IL23R: variants seen among roughly 807,000 people sequenced by gnomAD.
The protein encoded by IL23R is interleukin-23 receptor.
A neutral mutation model predicts 56.9 loss-of-function variants in IL23R; 34 were observed. The ratio of observed to expected loss-of-function variants is 0.60; its 90% CI spans 0.45 to 0.80. The LOEUF (loss-of-function observed/expected upper bound fraction) is 0.80, where lower values mean the gene tolerates loss of function less well. Ranked by LOEUF, IL23R falls within the 30% of genes least tolerant of loss-of-function variation. IL23R has a pLI of 0.00. For synonymous variants in IL23R, 230 were observed against 249.2 expected (o/e 0.92, Z 0.73); for missense variants, 635 against 730.0 (o/e 0.87, Z 1.50).
chr1:67,225,686 T>A (rs1255467279), intron 7 of IL23R, among the ~76,000 whole-genome samples: 1 of 152,036 alleles, frequency 6.6e-6, no homozygotes, highest in African/African-American at 2.4e-5. Context: ...TTTTTTGCAT[T>A]TTTAGTAGAG....
At chr1:67,182,992 G>C (rs1371115914) in intron 4 of IL23R, 33 bp downstream of exon 4, 1 of 1,612,932 alleles carries the variant, frequency 6.2e-7, no homozygotes. Flanking sequence ...CATATAAGCA[G>C]TTCCACCCCA....
intron 4 of IL23R, among the ~76,000 whole-genome samples, chr1:67,186,148 G>T (rs1647311602): frequency 6.6e-6 from 1 of 152,142 alleles, no homozygotes; most frequent in African/African-American, 2.4e-5. Flanking sequence ...GTCAACTTTA[G>T]GAATGTGAAG....
chr1:67,160,789 C>G (rs1646811661), intron 1 of IL23R, among the ~76,000 whole-genome samples: 1 of 152,094 alleles, frequency 6.6e-6, no homozygotes, highest in East Asian at 1.9e-4. Flanking sequence ...TCAAGCAATA[C>G]TCCTGCCTCA....
At chr1:67,142,540 A>C (rs1646647570) in intron 1 of IL23R, among the ~76,000 whole-genome samples, 1 of 152,178 alleles carries the variant, frequency 6.6e-6, no homozygotes, top group Non-Finnish European at 1.5e-5. Flanking sequence ...TAAATACAGC[A>C]ACACAGAAAT....
chr1:67,180,627 T>C (rs1206752052), intron 3 of IL23R, among the ~76,000 whole-genome samples: 3 of 152,204 alleles, frequency 2.0e-5, no homozygotes, highest in African/African-American at 7.2e-5. Context: ...ACATTTAAGG[T>C]TAATATTGTT....
At chr1:67,189,262 G>A (rs1471842020) in intron 4 of IL23R, among the ~76,000 whole-genome samples, 1 of 152,000 alleles carries the variant, frequency 6.6e-6, no homozygotes, top group Non-Finnish European at 1.5e-5. Flanking sequence ...CATAGTAAAT[G>A]CTCAATAAAT....
At chr1:67,202,844 G>A (rs1250892545) in intron 5 of IL23R, among the ~76,000 whole-genome samples, 2 of 152,110 alleles carry the variant, frequency 1.3e-5, no homozygotes, top group Admixed American at 1.3e-4. Context: ...CAAAATGCTG[G>A]TATTTCAGGC....
intron 6 of IL23R, among the ~76,000 whole-genome samples, chr1:67,217,762 C>G (rs1163427718): frequency 2.0e-5 from 3 of 149,396 alleles, no homozygotes; most frequent in African/African-American, 7.3e-5. Context: ...ATAGACAAAA[C>G]TATTCTAGGG....
In IL23R at chr1:67,257,423, G is replaced by A. The variant is rs111637561; in HGVS notation, c.1240-1055G>A. Among the ~76,000 whole-genome samples, 1,346 of 152,022 alleles carry A rather than the reference G, an allele frequency of 8.9e-3. 15 individuals are homozygous for A. Among genetic ancestry groups the A allele is most frequent in the East Asian group, 0.046 (238 of 5,146 alleles). On this transcript the variant is annotated intron_variant, in intron 10 of 10. Transcript: ENST00000347310. Reference sequence around the variant, plus strand: ...CACTAATCCCATTCATGAAGGCTCCGCCCTCATGACCTAATTACCACCCAA... The same window carrying A: ...CACTAATCCCATTCATGAAGGCTCCACCCTCATGACCTAATTACCACCCAA...
intron 3 of IL23R, among the ~76,000 whole-genome samples, chr1:67,177,062 G>T (rs1647020333): frequency 6.6e-6 from 1 of 152,092 alleles, no homozygotes; most frequent in Admixed American, 6.6e-5. Flanking sequence ...ATTGTGAATA[G>T]TGCCACAATA....
At chr1:67,148,157 G>A (rs1273264250) in intron 1 of IL23R, among the ~76,000 whole-genome samples, 2 of 152,260 alleles carry the variant, frequency 1.3e-5, no homozygotes, top group Non-Finnish European at 2.9e-5. Context: ...TGGGCGCCTC[G>A]CTGGGTCAGA....
chr1:67,192,272 G>A (rs886860417), intron 4 of IL23R, among the ~76,000 whole-genome samples: 1 of 152,180 alleles, frequency 6.6e-6, no homozygotes, highest in Non-Finnish European at 1.5e-5. Flanking sequence ...GATGTCTAGT[G>A]ATAAACCTTA....
intron 7 of IL23R, among the ~76,000 whole-genome samples, chr1:67,233,489 G>A (rs556268940): frequency 1.6e-4 from 25 of 152,158 alleles, no homozygotes; most frequent in African/African-American, 2.4e-4. Flanking sequence ...GATGGAATAC[G>A]TTATTGCTAA....
intron 7 of IL23R, among the ~76,000 whole-genome samples, chr1:67,235,332 T>G (rs933545253): frequency 1.3e-5 from 2 of 152,134 alleles, no homozygotes; most frequent in Non-Finnish European, 2.9e-5. Context: ...CCTCACCCAC[T>G]GTTCTCAGAA....
chr1:67,206,058 G>C (rs1239817447), intron 5 of IL23R, among the ~76,000 whole-genome samples: 1 of 150,582 alleles, frequency 6.6e-6, no homozygotes, highest in East Asian at 2.0e-4. Context: ...CGCCACCCAG[G>C]CTGGAGTGCA....
chr1:67,155,507 C>T lies in IL23R; in HGVS notation c.-633-12585C>T, dbSNP rs182756771. Reference sequence around the variant, plus strand: ...TTCATTCCTTTTCATTCTTTTTTCTCTAATCTTGTCTGTGTGTCTTATTTC... The same window carrying T: ...TTCATTCCTTTTCATTCTTTTTTCTTTAATCTTGTCTGTGTGTCTTATTTC... On this transcript the variant is annotated intron_variant, in intron 1 of 10. Coordinates refer to the IL23R transcript ENST00000637002. Among the ~76,000 whole-genome samples, 67 of 152,172 alleles carry T rather than the reference C, an allele frequency of 4.4e-4. 2 individuals carry two copies. In the East Asian group the frequency reaches 8.3e-3, roughly 19 times the overall value.
chr1:67,213,440 G>A (rs1030647234), intron 6 of IL23R, among the ~76,000 whole-genome samples: 1 of 152,186 alleles, frequency 6.6e-6, no homozygotes, highest in Non-Finnish European at 1.5e-5. Flanking sequence ...AGCCCCTTTA[G>A]CTAAGGTACA....
At chr1:67,174,985 A>C (rs1646989466) in intron 3 of IL23R, among the ~76,000 whole-genome samples, 1 of 151,606 alleles carries the variant, frequency 6.6e-6, no homozygotes, top group Non-Finnish European at 1.5e-5. Flanking sequence ...GTTTAGAAAA[A>C]GTGCCTTGGA....
Position 67,182,825 on chromosome 1 carries a change from T to C in IL23R, c.368-11T>C. On this transcript the variant is annotated splice_polypyrimidine_tract_variant and intron_variant, in intron 3 of 10. Transcript: ENST00000347310. ...CTTACAGCACCTCCTAAGTGTTATG[T>C]TTTGTTGCAGATCCGCCAGATATTC... 1 of 1,613,888 alleles carries C rather than the reference T, an allele frequency of 6.2e-7. No individual in the cohort carries two copies. Among genetic ancestry groups the C allele is most frequent in the Non-Finnish European group, 8.5e-7 (1 of 1,179,830 alleles).
Sources: allele counts gnomAD v4.1 joint callset (sites outside exome capture counted in the v4.1 genomes callset), GRCh38; gene constraint gnomAD v4.1.1; transcripts MANE v1.5; gene names NCBI Gene and HGNC (gene_info 2026-07-23, HGNC 2026-07-21).